TBCCD1: variants seen among roughly 807,000 people sequenced by gnomAD.
The protein encoded by TBCCD1 is TBCC domain-containing protein 1.
A neutral mutation model predicts 53.4 loss-of-function variants in TBCCD1; 26 were observed. The observed-to-expected ratio is 0.49, with a 90% CI of 0.36 to 0.68. The LOEUF (loss-of-function observed/expected upper bound fraction) is 0.68, where lower values mean the gene tolerates loss of function less well. TBCCD1 is among the 30% of genes least tolerant of loss of function. The probability of loss-of-function intolerance (pLI) is 0.00; values close to 1 mark genes in which losing one functional copy is unlikely to be tolerated. For missense variants in TBCCD1, 558 were observed against 669.5 expected (o/e 0.83, Z 1.84); for synonymous variants, 245 against 241.7 (o/e 1.01, Z -0.13).
At chr3:186,570,426 G>A, upstream of TBCCD1, 1 of 476,848 alleles carries the variant, frequency 2.1e-6, no homozygotes, top group Non-Finnish European at 3.7e-6. Context: ...CAAGCCGGAG[G>A]GATTTCGTGT....
chr3:186,561,788 CA>C (rs140239945), intron 2 of TBCCD1, among the ~76,000 whole-genome samples: 4 of 136,436 alleles, frequency 2.9e-5, no homozygotes, highest in African/African-American at 7.6e-5. Context: ...GACTCCGTCT[CA>C]AAAAAAAAAT....
intron 2 of TBCCD1, among the ~76,000 whole-genome samples, chr3:186,563,051 GT>G (rs1455466052): frequency 2.0e-5 from 3 of 152,202 alleles, no homozygotes; most frequent in Non-Finnish European, 2.9e-5. Flanking sequence ...AATTTCATTT[GT>G]TTGTTCTTAA....
At position 186,567,280 on chromosome 3, in the gene TBCCD1, C is replaced by T. The variant is rs746328714; in HGVS notation, c.-57G>A. 7.9e-5 allele frequency: 12 copies of T among 152,776 alleles called. No homozygotes were observed. The highest frequency in any genetic ancestry group is 1.5e-4 in the Non-Finnish European group (10 of 68,548). The allele number at this position is 152,776 out of a possible 1,614,324, so 9.5% of individuals were successfully genotyped here. ...GTGCGCGGTTACCTGCTAATGCAGG[C>T]GCCGCTCCGCCGCACTTCTCCGCGC... On this transcript the variant is annotated 5_prime_UTR_variant, in exon 1 of 8. Transcript: ENST00000338733.
upstream of TBCCD1, among the ~76,000 whole-genome samples, chr3:186,568,272 C>T (rs1301299202): frequency 6.6e-6 from 1 of 151,844 alleles, no homozygotes; most frequent in Non-Finnish European, 1.5e-5. Context: ...AGACAAGGTC[C>T]TTGCTTTCTT....
At chr3:186,552,721 C>T (rs1353543872) in intron 6 of TBCCD1, among the ~76,000 whole-genome samples, 1 of 152,218 alleles carries the variant, frequency 6.6e-6, no homozygotes, top group African/African-American at 2.4e-5. Context: ...TTCCTTTTAA[C>T]ACCTGTTTAC....
At chr3:186,550,277 A>G (rs1039022944) in intron 7 of TBCCD1, among the ~76,000 whole-genome samples, 1 of 151,172 alleles carries the variant, frequency 6.6e-6, no homozygotes, top group South Asian at 2.1e-4. Flanking sequence ...ACTAATCTCT[A>G]TTAAAAAAGA....
chr3:186,557,137 G>A (rs866388342), intron 3 of TBCCD1, among the ~76,000 whole-genome samples: 3 of 152,092 alleles, frequency 2.0e-5, no homozygotes, highest in Non-Finnish European at 4.4e-5. Flanking sequence ...TGTCCACCCC[G>A]GTCCAATCAG....
intron 3 of TBCCD1, among the ~76,000 whole-genome samples, chr3:186,557,753 GA>G (rs1714581547): frequency 6.6e-6 from 1 of 152,132 alleles, no homozygotes; most frequent in African/African-American, 2.4e-5. Flanking sequence ...TATAAAGGAG[GA>G]GAGACTTATT....
chr3:186,550,900 A>G (rs73057404), intron 7 of TBCCD1, among the ~76,000 whole-genome samples: 6,919 of 152,208 alleles, frequency 0.045, 520 homozygotes, highest in African/African-American at 0.16. Flanking sequence ...GCAAAATAAG[A>G]CAAAATTTGG....
chr3:186,559,245 A>C (rs917192322), intron 2 of TBCCD1, among the ~76,000 whole-genome samples: 2 of 152,256 alleles, frequency 1.3e-5, no homozygotes, highest in Non-Finnish European at 2.9e-5. Context: ...GGAAGTAAGA[A>C]AGAAGAAAAT....
chr3:186,551,373 T>C, intron 6 of TBCCD1, 94 bp from the exon 7 acceptor site: 1 of 1,185,840 alleles, frequency 8.4e-7, no homozygotes, highest in Non-Finnish European at 1.2e-6. Context: ...TAGGATAATG[T>C]TAAATGATTA....
At chr3:186,554,232 G>A in intron 6 of TBCCD1, 22 bp downstream of exon 6, 1 of 1,607,998 alleles carries the variant, frequency 6.2e-7, no homozygotes, top group Non-Finnish European at 8.5e-7. Flanking sequence ...AACACAAACT[G>A]TTACTTGTAA....
At chr3:186,560,896 T>C (rs971631296) in intron 2 of TBCCD1, among the ~76,000 whole-genome samples, 1 of 152,212 alleles carries the variant, frequency 6.6e-6, no homozygotes. Flanking sequence ...CTTCAATAAA[T>C]GATGCTGAGA....
At position 186,555,005 on chromosome 3, in the gene TBCCD1, G is replaced by A. The variant is rs755586422; in HGVS notation, c.939C>T (p.Ser313=). The A allele has an allele frequency of 6.2e-7, 1 of 1,613,942 alleles. No individual in the cohort carries two copies. Among genetic ancestry groups the A allele is most frequent in the African/African-American group, 1.3e-5 (1 of 75,018 alleles). Residue 313 remains serine (S), a synonymous_variant, in exon 5 of 8, where the codon AGC becomes AGT. Coordinates refer to ENST00000338733, the MANE Select transcript of TBCCD1 (RefSeq NM_018138.5). ...TAGCCAGTGTCTGCTTGTAAACCTG[G>A]CTCATCACTACCAGTCGGTGCATCC... ...APRMHRLVVM[S]QVYKQTLAKS...
upstream of TBCCD1, chr3:186,570,239 A>T (rs1578980499): frequency 8.1e-6 from 5 of 619,362 alleles, no homozygotes; most frequent in Admixed American, 1.2e-4. Context: ...TCTGATGTAC[A>T]CCTGTCGTGG....
Position 186,556,719 on chromosome 3 carries a change from G to C in TBCCD1, c.549C>G (p.Leu183=). The stretch of plus-strand genomic sequence containing the variant: ...GTTGTTTTGGATCTAAAAGCAGCTC[G>C]AGGAGATCAGACAGATGATCATAGA... ...AFVYDHLSDL[L]ELLLDPKQLT... Residue 183 remains leucine (L), a synonymous_variant, in exon 4 of 8, where the codon CTC becomes CTG. Transcript: ENST00000338733. 6 of 1,614,142 alleles carry C rather than the reference G, an allele frequency of 3.7e-6. No homozygotes were observed. Among genetic ancestry groups the C allele is most frequent in the Non-Finnish European group, 5.1e-6 (6 of 1,180,026 alleles).
rs905979148 is a variant in TBCCD1 at position 186,546,171 on chromosome 3, T to C, written c.*806A>G. ...ATACTTTAAGGACTAAAATATAGTATAAAACTATTTCTATGTCTATATACC... is the reference window on the plus strand; with the variant it reads ...ATACTTTAAGGACTAAAATATAGTACAAAACTATTTCTATGTCTATATACC... On this transcript the variant is annotated 3_prime_UTR_variant, in exon 8 of 8. Transcript: ENST00000338733. 2 of 152,206 alleles carry C rather than the reference T, an allele frequency of 1.3e-5. No individual in the cohort carries two copies. Among genetic ancestry groups the C allele is most frequent in the Non-Finnish European group, 2.9e-5 (2 of 68,024 alleles). 9.4% of individuals were successfully genotyped at this position (152,206 alleles called of 1,614,324 possible). A position where few individuals can be genotyped will look rare whatever the true frequency, so the allele number is the denominator to read the frequency against.
intron 1 of TBCCD1, among the ~76,000 whole-genome samples, chr3:186,565,096 C>CCTT (rs1173884853): frequency 2.4e-4 from 36 of 148,736 alleles, no homozygotes; most frequent in African/African-American, 8.1e-4. Flanking sequence ...TATTGTATTT[C>CCTT]CTTCTTCTTC....
At chr3:186,554,217 CA>C (rs754250732) in intron 6 of TBCCD1, 36 bp downstream of exon 6, 8 of 1,600,482 alleles carry the variant, frequency 5.0e-6, no homozygotes, top group South Asian at 1.1e-5. Flanking sequence ...TGGAGTTTCA[CA>C]AAAAACACAA....
Sources: gnomAD v4.1 joint callset for allele counts (sites outside exome capture counted in the v4.1 genomes callset) on GRCh38, gnomAD v4.1.1 for gene constraint, MANE v1.5 for transcripts, NCBI Gene and HGNC (gene_info 2026-07-23, HGNC 2026-07-21) for gene names.